Variants in ANGPT1 observed in about 807,000 individuals in gnomAD.
ANGPT1 encodes the protein angiopoietin-1.
Under a neutral mutation model 62.2 loss-of-function variants are expected in ANGPT1, and 17 were observed. That is an observed-to-expected ratio of 0.27 (90% confidence interval 0.19 to 0.41). The LOEUF (loss-of-function observed/expected upper bound fraction) is 0.41. ANGPT1 is among the 10% of genes least tolerant of loss of function. The pLI is 1.00. For missense variants in ANGPT1, 478 were observed against 594.9 expected (o/e 0.80, Z 2.04); for synonymous variants, 199 against 198.9 (o/e 1.00, Z 0.00).
At chr8:107,376,828 A>G (rs1816539954) in intron 1 of ANGPT1, among the ~76,000 whole-genome samples, 1 of 152,202 alleles carries the variant, frequency 6.6e-6, no homozygotes, top group Admixed American at 6.5e-5. Flanking sequence ...TTTCTAAGCT[A>G]TCAACATGTA....
intron 1 of ANGPT1, among the ~76,000 whole-genome samples, chr8:107,427,133 T>G (rs1390979375): frequency 6.6e-6 from 1 of 152,150 alleles, no homozygotes; most frequent in Non-Finnish European, 1.5e-5. Flanking sequence ...TCACTTAGCC[T>G]GGGATATAGT....
intron 5 of ANGPT1, 130 bp from the exon 6 acceptor site, chr8:107,294,167 A>G: frequency 3.5e-6 from 2 of 577,024 alleles, no homozygotes; most frequent in Non-Finnish European, 5.9e-6. Flanking sequence ...TATATTGAAC[A>G]ATGTTAATTT....
At chr8:107,315,740 A>G (rs982513397) in intron 4 of ANGPT1, among the ~76,000 whole-genome samples, 1 of 152,020 alleles carries the variant, frequency 6.6e-6, no homozygotes, top group Non-Finnish European at 1.5e-5. Flanking sequence ...TTGGTATGTA[A>G]ATGCTCTCAA....
chr8:107,361,986 G>A (rs117993125), intron 1 of ANGPT1, among the ~76,000 whole-genome samples: 6,029 of 152,232 alleles, frequency 0.04, 148 homozygotes, highest in Middle Eastern at 0.095. Flanking sequence ...TTGAACTCTG[G>A]AGGCAGATCA....
chr8:107,336,624 C>T (rs897936202), intron 2 of ANGPT1: 1 of 147,686 alleles, frequency 6.8e-6, no homozygotes, highest in Non-Finnish European at 1.4e-5. Context: ...GGGATCGCGC[C>T]ACTGCACTCC....
chr8:107,341,875 C>A (rs1351925180), intron 2 of ANGPT1, among the ~76,000 whole-genome samples: 1 of 151,882 alleles, frequency 6.6e-6, no homozygotes, highest in African/African-American at 2.4e-5. Flanking sequence ...TAAGCAGCTT[C>A]CCTCTGGTTA....
intron 1 of ANGPT1, among the ~76,000 whole-genome samples, chr8:107,456,395 C>T (rs1263793572): frequency 6.6e-6 from 1 of 151,974 alleles, no homozygotes; most frequent in Non-Finnish European, 1.5e-5. Flanking sequence ...AGTCAAAAGT[C>T]CTGTTCTAAA....
intron 1 of ANGPT1, among the ~76,000 whole-genome samples, chr8:107,402,630 C>T (rs1295957013): frequency 1.3e-5 from 2 of 152,072 alleles, no homozygotes; most frequent in Admixed American, 6.6e-5. Context: ...GATGAGCCAA[C>T]TAAAGAAGTG....
rs572985499 is a variant in ANGPT1 at position 107,446,633 on chromosome 8, C to A, written c.297+50629G>T. Among the ~76,000 whole-genome samples the A allele has an allele frequency of 2.3e-4, 35 of 152,230 alleles. 1 individual carries two copies. The South Asian group carries it at 7.3e-3, about 32-fold the overall frequency. ...TTTTGTGTTTTAAGCTATGGCTTAG[C>A]TATGGCTAAGCAGGGAGGAATAGAA... On this transcript the variant is annotated intron_variant, in intron 1 of 8. Coordinates refer to ENST00000517746, the MANE Select transcript of ANGPT1 (RefSeq NM_001146.5).
intron 1 of ANGPT1, among the ~76,000 whole-genome samples, chr8:107,427,048 C>G (rs1010020678): frequency 2.6e-5 from 4 of 152,164 alleles, no homozygotes; most frequent in African/African-American, 7.2e-5. Flanking sequence ...CACAAGAATT[C>G]TAACATAGAA....
At chr8:107,261,044 G>C (rs536579838) in intron 8 of ANGPT1, among the ~76,000 whole-genome samples, 1 of 152,224 alleles carries the variant, frequency 6.6e-6, no homozygotes, top group Admixed American at 6.5e-5. Flanking sequence ...AGATTTTACT[G>C]TTGGTTTTTT....
intron 4 of ANGPT1, among the ~76,000 whole-genome samples, chr8:107,317,779 T>G (rs995886411): frequency 5.3e-5 from 8 of 151,922 alleles, no homozygotes; most frequent in Non-Finnish European, 1.0e-4. Context: ...TACAGGCATG[T>G]GCCACCATGC....
At chr8:107,448,125 T>A (rs1811667226) in intron 1 of ANGPT1, among the ~76,000 whole-genome samples, 1 of 152,222 alleles carries the variant, frequency 6.6e-6, no homozygotes, top group South Asian at 2.1e-4. Flanking sequence ...GAATGAACTG[T>A]GGTATGGTAT....
intron 1 of ANGPT1, among the ~76,000 whole-genome samples, chr8:107,428,285 A>G (rs976336112): frequency 7.9e-5 from 12 of 152,206 alleles, no homozygotes; most frequent in African/African-American, 2.4e-4. Flanking sequence ...GTGTGGGTAT[A>G]ATGTCTCCCA....
chr8:107,291,091 G>T (rs1421195121), intron 6 of ANGPT1, among the ~76,000 whole-genome samples: 1 of 152,138 alleles, frequency 6.6e-6, no homozygotes, highest in Non-Finnish European at 1.5e-5. Flanking sequence ...CTGATTTTCA[G>T]ATGACTTCTT....
chr8:107,372,323 C>T (rs1277951588), intron 1 of ANGPT1, among the ~76,000 whole-genome samples: 1 of 151,968 alleles, frequency 6.6e-6, no homozygotes, highest in African/African-American at 2.4e-5. Flanking sequence ...ATAATTGCTA[C>T]CATTTTGAGC....
chr8:107,303,740 C>T (rs1455479684), intron 4 of ANGPT1, among the ~76,000 whole-genome samples: 2 of 151,604 alleles, frequency 1.3e-5, no homozygotes, highest in Non-Finnish European at 2.9e-5. Context: ...ACGTTCTTAC[C>T]TACATTTCAC....
chr8:107,315,711 A>G lies in ANGPT1; in HGVS notation c.808+6185T>C, dbSNP rs551692641. ...TTTGATTTTACACTGTCATTTTTTCATACAATGCACTCATAACTTTGGTAT... is the reference window on the plus strand; with the variant it reads ...TTTGATTTTACACTGTCATTTTTTCGTACAATGCACTCATAACTTTGGTAT... On this transcript the variant is annotated intron_variant, in intron 4 of 8. Transcript: ENST00000517746. Among the ~76,000 whole-genome samples the G allele has an allele frequency of 4.6e-5, 7 of 151,792 alleles. No homozygotes were observed. The South Asian group carries it at 1.5e-3, about 32-fold the overall frequency.
chr8:107,344,252 GA>G (rs1434608952), intron 2 of ANGPT1, among the ~76,000 whole-genome samples: 2 of 152,128 alleles, frequency 1.3e-5, no homozygotes, highest in Non-Finnish European at 2.9e-5. Flanking sequence ...ATTTGCCTGA[GA>G]AAGAAGTGAG....
Sources: allele counts gnomAD v4.1 joint callset (sites outside exome capture counted in the v4.1 genomes callset), GRCh38; gene constraint gnomAD v4.1.1; transcripts MANE v1.5; gene names NCBI Gene and HGNC (gene_info 2026-07-23, HGNC 2026-07-21).